The following PCSK5 variants were observed in gnomAD, a reference collection of about 807,000 sequenced individuals.
PCSK5 encodes the protein prohormone convertase 5.
PCSK5 carries 129 observed loss-of-function variants against 233.2 expected under a neutral mutation model. The observed-to-expected ratio is 0.55, with a 90% CI of 0.48 to 0.64. PCSK5 has a LOEUF of 0.64. PCSK5 is among the 30% of genes least tolerant of loss of function. The pLI, the probability that PCSK5 is intolerant of heterozygous loss-of-function variation, is 0.00. For missense variants in PCSK5, 2,076 were observed against 2,430.1 expected (o/e 0.85, Z 3.06); for synonymous variants, 825 against 879.2 (o/e 0.94, Z 1.09).
intron 3 of PCSK5, among the ~76,000 whole-genome samples, chr9:75,994,266 C>A (rs1425478462): frequency 6.6e-6 from 1 of 152,074 alleles, no homozygotes; most frequent in African/African-American, 2.4e-5. Context: ...AGCTACTTTA[C>A]CTCTTGAGTC....
chr9:76,197,547 T>C (rs909608518), intron 20 of PCSK5, among the ~76,000 whole-genome samples: 3 of 152,190 alleles, frequency 2.0e-5, no homozygotes, highest in Non-Finnish European at 4.4e-5. Flanking sequence ...GTAAAAAGAA[T>C]GTCATGCCGC....
At chr9:76,020,508 C>G (rs143472495) in intron 3 of PCSK5, among the ~76,000 whole-genome samples, 2 of 152,280 alleles carry the variant, frequency 1.3e-5, no homozygotes, top group African/African-American at 4.8e-5. Flanking sequence ...CTTTAACATT[C>G]CTTTTTGTCA....
intron 29 of PCSK5, among the ~76,000 whole-genome samples, chr9:76,309,701 A>G (rs1441363486): frequency 6.6e-6 from 1 of 152,240 alleles, no homozygotes; most frequent in African/African-American, 2.4e-5. Flanking sequence ...GAATGTTTAC[A>G]TGTTTCCATG....
chr9:75,973,363 C>T (rs565398953), intron 2 of PCSK5, among the ~76,000 whole-genome samples: 1 of 152,146 alleles, frequency 6.6e-6, no homozygotes, highest in Non-Finnish European at 1.5e-5. Flanking sequence ...TTATTTTCTT[C>T]CTCTTTCCAG....
chr9:76,199,979 T>C (rs1301558834), intron 20 of PCSK5, among the ~76,000 whole-genome samples: 1 of 152,080 alleles, frequency 6.6e-6, no homozygotes, highest in East Asian at 1.9e-4. Context: ...TTTCCAAATA[T>C]ATCTCTAAAT....
In PCSK5 at chr9:76,179,708, G is replaced by A. The variant is rs1261445623; in HGVS notation, c.2003+10G>A. On this transcript the variant is annotated intron_variant, in intron 15 of 37. Coordinates refer to ENST00000674117, the MANE Select transcript of PCSK5 (RefSeq NM_001372043.1). ...TGAAAAACAATACCAGGTAAGAGAG[G>A]TGCCAAGTCACATCCCCACAGCATG... 1.9e-6 allele frequency: 3 copies of A among 1,576,906 alleles called. No homozygotes were observed. Among genetic ancestry groups the A allele is most frequent in the African/African-American group, 1.3e-5 (1 of 74,252 alleles).
At chr9:76,059,142 AT>A (rs1377795380) in intron 5 of PCSK5, among the ~76,000 whole-genome samples, 3 of 152,258 alleles carry the variant, frequency 2.0e-5, no homozygotes, top group Non-Finnish European at 4.4e-5. Context: ...AGAGAAGGTT[AT>A]GGGAGTCTGA....
intron 2 of PCSK5, among the ~76,000 whole-genome samples, chr9:75,951,907 C>T (rs1017243487): frequency 6.6e-6 from 1 of 151,886 alleles, no homozygotes; most frequent in African/African-American, 2.4e-5. Flanking sequence ...TTAGTATTCT[C>T]ACAAATACCA....
chr9:75,925,954 G>A (rs140987378), intron 1 of PCSK5, among the ~76,000 whole-genome samples: 1 of 152,264 alleles, frequency 6.6e-6, no homozygotes, highest in East Asian at 1.9e-4. Context: ...TTAACAAGTG[G>A]AAGTTTCGGA....
intron 32 of PCSK5, among the ~76,000 whole-genome samples, chr9:76,325,318 C>G (rs913949612): frequency 6.6e-6 from 1 of 152,172 alleles, no homozygotes; most frequent in African/African-American, 2.4e-5. Flanking sequence ...ATACAGAGAG[C>G]TTTACAGGTC....
intron 8 of PCSK5, among the ~76,000 whole-genome samples, chr9:76,099,871 A>G (rs1274974195): frequency 2.0e-5 from 3 of 152,166 alleles, no homozygotes; most frequent in Non-Finnish European, 4.4e-5. Context: ...TACCCAGAAG[A>G]GCACGGTTGT....
intron 2 of PCSK5, among the ~76,000 whole-genome samples, chr9:75,939,191 A>C (rs1220057303): frequency 1.3e-5 from 2 of 152,218 alleles, no homozygotes; most frequent in African/African-American, 4.8e-5. Context: ...CTTGAGTCAC[A>C]CATATAATGT....
chr9:76,162,204 A>T (rs1822891800), intron 12 of PCSK5, among the ~76,000 whole-genome samples: 1 of 152,176 alleles, frequency 6.6e-6, no homozygotes, highest in Non-Finnish European at 1.5e-5. Flanking sequence ...CCACCTTCCA[A>T]GGCCTGGCTC....
At chr9:76,310,040 G>A (rs1478248850) in intron 29 of PCSK5, among the ~76,000 whole-genome samples, 1 of 152,088 alleles carries the variant, frequency 6.6e-6, no homozygotes, top group Non-Finnish European at 1.5e-5. Flanking sequence ...CTGAGGTCAG[G>A]AGTCTGAGTC....
At chr9:75,966,547 G>T (rs1469951574) in intron 2 of PCSK5, among the ~76,000 whole-genome samples, 1 of 152,196 alleles carries the variant, frequency 6.6e-6, no homozygotes, top group Non-Finnish European at 1.5e-5. Context: ...CGCTATAGAG[G>T]TAGATCTCTT....
chr9:76,043,113 G>A (rs1563990607), intron 5 of PCSK5, among the ~76,000 whole-genome samples: 2 of 152,064 alleles, frequency 1.3e-5, no homozygotes, highest in Non-Finnish European at 1.5e-5. Flanking sequence ...TTGGGAGGCC[G>A]AGGCGGGCGG....
intron 34 of PCSK5, among the ~76,000 whole-genome samples, chr9:76,335,600 C>T (rs1829656834): frequency 6.6e-6 from 1 of 152,180 alleles, no homozygotes; most frequent in Non-Finnish European, 1.5e-5. Flanking sequence ...TCAAAGCAAG[C>T]AGTGGTGTTG....
chr9:75,943,978 C>T (rs1824440733), intron 2 of PCSK5, among the ~76,000 whole-genome samples: 1 of 151,956 alleles, frequency 6.6e-6, no homozygotes. Context: ...GCCTAGGCAA[C>T]ATAGTGAGAC....
At chr9:76,070,592 G>A (rs1168443306) in intron 6 of PCSK5, among the ~76,000 whole-genome samples, 2 of 152,142 alleles carry the variant, frequency 1.3e-5, no homozygotes, top group East Asian at 1.9e-4. Context: ...TTAAGAAAAT[G>A]AGACAAAATG....
Sources: allele counts gnomAD v4.1 joint callset (sites outside exome capture counted in the v4.1 genomes callset), GRCh38; gene constraint gnomAD v4.1.1; transcripts MANE v1.5; gene names NCBI Gene and HGNC (gene_info 2026-07-23, HGNC 2026-07-21).